RPS6KA2: variants seen among roughly 807,000 people sequenced by gnomAD.
RPS6KA2 encodes the protein ribosomal protein S6 kinase alpha-2.
RPS6KA2 carries 42 observed loss-of-function variants against 91.8 expected under a neutral mutation model. That is an observed-to-expected ratio of 0.46 (90% CI 0.36 to 0.59). The LOEUF (loss-of-function observed/expected upper bound fraction) is 0.59. RPS6KA2 is among the 20% of genes least tolerant of loss of function. The pLI is 0.00. For synonymous variants in RPS6KA2, 414 were observed against 393.6 expected (o/e 1.05, Z -0.61); for missense variants, 798 against 978.5 (o/e 0.82, Z 2.46).
At chr6:166,627,706 G>T (rs1024839708), upstream of RPS6KA2, 2 of 152,352 alleles carry the variant, frequency 1.3e-5, no homozygotes, top group African/African-American at 4.8e-5. Flanking sequence ...CCGCGCAGTC[G>T]CGGGCGTTCC....
intron 11 of RPS6KA2, among the ~76,000 whole-genome samples, chr6:166,465,172 A>G (rs1780472794): frequency 6.6e-6 from 1 of 152,166 alleles, no homozygotes; most frequent in Non-Finnish European, 1.5e-5. Flanking sequence ...GTCATTAAGG[A>G]GTGTCTGCAT....
intron 2 of RPS6KA2, among the ~76,000 whole-genome samples, chr6:166,829,860 A>C (rs1007794289): frequency 6.6e-6 from 1 of 152,182 alleles, no homozygotes; most frequent in Non-Finnish European, 1.5e-5. Flanking sequence ...CTGTAATCCC[A>C]GAACTTTGGG....
intron 2 of RPS6KA2, among the ~76,000 whole-genome samples, chr6:166,826,085 T>C (rs1431478744): frequency 1.3e-5 from 2 of 152,216 alleles, no homozygotes; most frequent in Non-Finnish European, 2.9e-5. Flanking sequence ...TTTCCTAGGT[T>C]GGTGGATATT....
At chr6:166,777,252 C>G (rs1319515934) in intron 2 of RPS6KA2, among the ~76,000 whole-genome samples, 7 of 152,198 alleles carry the variant, frequency 4.6e-5, no homozygotes, top group African/African-American at 1.7e-4. Context: ...TACGTCTTCT[C>G]TGATAATTAA....
intron 2 of RPS6KA2, among the ~76,000 whole-genome samples, chr6:166,725,881 G>A (rs1360102578): frequency 6.6e-6 from 1 of 152,194 alleles, no homozygotes; most frequent in Non-Finnish European, 1.5e-5. Flanking sequence ...TGGGGAGGAG[G>A]CAGAGGGCGC....
At chr6:166,463,427 C>T (rs560899614) in intron 11 of RPS6KA2, 1 of 152,324 alleles carries the variant, frequency 6.6e-6, no homozygotes, top group East Asian at 1.9e-4. Context: ...AAAATGCAGT[C>T]TCATGATCAA....
chr6:166,665,349 C>T lies in RPS6KA2; in HGVS notation c.124-126565G>A, dbSNP rs146073694. On this transcript the variant is annotated intron_variant, in intron 2 of 21. Coordinates refer to the RPS6KA2 transcript ENST00000503859. The surrounding 1 kb of genome is among the most constrained non-coding windows in gnomAD (Gnocchi z 4.5). Reference sequence around the variant, plus strand: ...CTAATGAAGGATGAACTGAGTCTCTCTGCAGCTGCCTCTGGGCTTTGTCTG... The same window carrying T: ...CTAATGAAGGATGAACTGAGTCTCTTTGCAGCTGCCTCTGGGCTTTGTCTG... Among the ~76,000 whole-genome samples the T allele has an allele frequency of 1.3e-5, 2 of 152,308 alleles. No individual in the cohort carries two copies. Among genetic ancestry groups the T allele is most frequent in the South Asian group, 2.1e-4 (1 of 4,818 alleles).
chr6:166,707,148 G>C (rs980312252), intron 2 of RPS6KA2, among the ~76,000 whole-genome samples: 2 of 152,246 alleles, frequency 1.3e-5, no homozygotes, highest in African/African-American at 2.4e-5. Flanking sequence ...ACCAGCATCT[G>C]CTAGATGCCT....
chr6:166,415,192 C>G (rs1397576920), intron 19 of RPS6KA2, among the ~76,000 whole-genome samples: 1 of 152,146 alleles, frequency 6.6e-6, no homozygotes, highest in African/African-American at 2.4e-5. Context: ...ACAGAAAAAT[C>G]TAATGCCTTT....
At chr6:166,857,447 A>C (rs1021016924) in intron 2 of RPS6KA2, among the ~76,000 whole-genome samples, 4 of 152,084 alleles carry the variant, frequency 2.6e-5, no homozygotes, top group Non-Finnish European at 5.9e-5. Context: ...CTTCCAATTT[A>C]CCTCTTTGCT....
chr6:166,496,373 TAAAAAG>T (rs1781786669), intron 8 of RPS6KA2, among the ~76,000 whole-genome samples: 2 of 132,804 alleles, frequency 1.5e-5, no homozygotes, highest in African/African-American at 5.8e-5. Flanking sequence ...AATTAAAAAA[TAAAAAG>T]AAAAAAAAGA....
At chr6:166,492,860 C>A (rs1337223785) in intron 8 of RPS6KA2, among the ~76,000 whole-genome samples, 1 of 149,968 alleles carries the variant, frequency 6.7e-6, no homozygotes, top group Non-Finnish European at 1.5e-5. Flanking sequence ...GGACTACAGG[C>A]GTGAGCCACC....
intron 14 of RPS6KA2, among the ~76,000 whole-genome samples, chr6:166,440,804 A>C (rs915291756): frequency 4.6e-5 from 7 of 152,236 alleles, no homozygotes; most frequent in Admixed American, 6.5e-5. Flanking sequence ...AATAATAATA[A>C]AAGTGAGATA....
At chr6:166,513,629 T>C (rs957435866) in intron 3 of RPS6KA2, among the ~76,000 whole-genome samples, 2 of 152,086 alleles carry the variant, frequency 1.3e-5, no homozygotes, top group Non-Finnish European at 2.9e-5. Flanking sequence ...GTGAGCACTG[T>C]CCTCACTGGA....
chr6:166,593,344 A>G (rs1785418775), intron 1 of RPS6KA2, among the ~76,000 whole-genome samples: 2 of 152,250 alleles, frequency 1.3e-5, no homozygotes, highest in South Asian at 2.1e-4. Flanking sequence ...AAAGAAGACT[A>G]TATAAAAACA....
intron 1 of RPS6KA2, among the ~76,000 whole-genome samples, chr6:166,586,667 C>A (rs929736832): frequency 6.6e-6 from 1 of 151,976 alleles, no homozygotes; most frequent in African/African-American, 2.4e-5. Context: ...TGTAACCGAG[C>A]GCCTTCCTCT....
intron 14 of RPS6KA2, among the ~76,000 whole-genome samples, chr6:166,442,433 G>A (rs914323832): frequency 6.6e-6 from 1 of 152,190 alleles, no homozygotes; most frequent in Non-Finnish European, 1.5e-5. Flanking sequence ...GTGTTGAACC[G>A]TTCTGAGTTT....
At chr6:166,591,671 A>G (rs994735503) in intron 1 of RPS6KA2, among the ~76,000 whole-genome samples, 3 of 152,182 alleles carry the variant, frequency 2.0e-5, no homozygotes, top group Non-Finnish European at 2.9e-5. Context: ...CGTTGGAGAG[A>G]GCTTGGTCTT....
intron 2 of RPS6KA2, among the ~76,000 whole-genome samples, chr6:166,839,704 A>G (rs1416135685): frequency 0.053 from 1,045 of 19,822 alleles, 4 homozygotes; most frequent in East Asian, 0.11. Context: ...GGAGGAGAGG[A>G]GAGGAGAGGA....
Sources: allele counts gnomAD v4.1 joint callset (sites outside exome capture counted in the v4.1 genomes callset), GRCh38; gene constraint gnomAD v4.1.1; non-coding constraint Gnocchi (gnomAD v3.1); transcripts MANE v1.5; gene names NCBI Gene and HGNC (gene_info 2026-07-23, HGNC 2026-07-21).